The following TRPC4 variants were observed in gnomAD, a reference collection of about 807,000 sequenced individuals.
The protein encoded by TRPC4 is transient receptor potential cation channel subfamily C member 4, also known as short transient receptor potential channel 4.
Under a neutral mutation model 99.4 loss-of-function variants are expected in TRPC4, and 49 were observed. The observed-to-expected ratio is 0.49, with a 90% confidence interval of 0.39 to 0.63. TRPC4 has a LOEUF of 0.63. Ranked by LOEUF, TRPC4 falls within the 20% of genes least tolerant of loss-of-function variation. The pLI is 0.00. For synonymous variants in TRPC4, 454 were observed against 425.9 expected (o/e 1.07, Z -0.81); for missense variants, 898 against 1,152.9 (o/e 0.78, Z 3.20).
intron 2 of TRPC4, among the ~76,000 whole-genome samples, chr13:37,769,153 A>G (rs767261179): frequency 1.9e-4 from 29 of 151,608 alleles, no homozygotes; most frequent in Non-Finnish European, 3.3e-4. Context: ...TAATCCACTG[A>G]AAAGTAAAGA....
chr13:37,683,071 T>A (rs922258190), intron 4 of TRPC4, among the ~76,000 whole-genome samples: 2 of 151,922 alleles, frequency 1.3e-5, no homozygotes, highest in African/African-American at 4.8e-5. Context: ...GCCAGGACAG[T>A]GCAGTTTTTG....
chr13:37,837,001 C>T (rs1958584445), intron 1 of TRPC4, among the ~76,000 whole-genome samples: 1 of 152,164 alleles, frequency 6.6e-6, no homozygotes, highest in Non-Finnish European at 1.5e-5. Context: ...CTGAATGGGG[C>T]CAACATAGAG....
chr13:37,636,916 G>A lies in TRPC4; in HGVS notation c.2921C>T (p.Thr974Ile). 1 of 1,610,582 alleles carries A rather than the reference G, an allele frequency of 6.2e-7. No individual in the cohort carries two copies. The highest frequency in any genetic ancestry group is 8.5e-7 in the Non-Finnish European group (1 of 1,178,018). The change falls in exon 11 of 11, where the codon ACC (threonine) becomes ATC (isoleucine). Residue 974 changes from threonine (T) to isoleucine (I), a missense_variant. Thr to Ile is a moderately conservative substitution (Grantham distance 89). This residue lies in a region of TRPC4 where 346 missense variants were observed against 351.4 expected (regional missense o/e 0.98). Transcript: ENST00000379705. ...PDTVTHEDYV[T>I]TRL ...CTCCTTCAAGTATCACAATCTTGTG[G>A]TCACGTAATCTTCGTGGGTGACTGT...
intron 2 of TRPC4, among the ~76,000 whole-genome samples, chr13:37,748,940 T>C (rs1230624353): frequency 1.3e-5 from 2 of 152,178 alleles, no homozygotes; most frequent in Non-Finnish European, 2.9e-5. Context: ...AGTAATGATA[T>C]GGTTTGGCTT....
rs532016749 is a variant in TRPC4 at position 37,827,627 on chromosome 13, A to G, written c.-28+41968T>C. On this transcript the variant is annotated intron_variant, in intron 1 of 10. Transcript: ENST00000379705. Reference sequence around the variant, plus strand: ...ACCCACTTGAGGAGGCAGTCTGCCCATTCTCAGATCTCCAGCTGCGTACTG... The same window carrying G: ...ACCCACTTGAGGAGGCAGTCTGCCCGTTCTCAGATCTCCAGCTGCGTACTG... Among the ~76,000 whole-genome samples the G allele has an allele frequency of 7.3e-3, 1,105 of 151,230 alleles. 8 individuals are homozygous for G. The highest frequency in any genetic ancestry group is 0.022 in the African/African-American group (898 of 41,192).
chr13:37,788,392 C>G (rs1340989199), intron 1 of TRPC4, among the ~76,000 whole-genome samples: 2 of 152,270 alleles, frequency 1.3e-5, no homozygotes, highest in East Asian at 3.9e-4. Flanking sequence ...TCCATTTACT[C>G]ATTTATTCTC....
At chr13:37,722,405 A>T (rs1315995636) in intron 3 of TRPC4, among the ~76,000 whole-genome samples, 7 of 152,200 alleles carry the variant, frequency 4.6e-5, no homozygotes, top group Admixed American at 4.6e-4. Context: ...GTTAAATTGG[A>T]TGTAATCAGA....
At chr13:37,703,654 A>T (rs930858131) in intron 3 of TRPC4, among the ~76,000 whole-genome samples, 1 of 151,966 alleles carries the variant, frequency 6.6e-6, no homozygotes, top group Admixed American at 6.6e-5. Context: ...TATTAGAATG[A>T]CTAAAATTAA....
intron 4 of TRPC4, among the ~76,000 whole-genome samples, chr13:37,682,399 C>T (rs1455678753): frequency 1.3e-5 from 2 of 152,128 alleles, no homozygotes; most frequent in Non-Finnish European, 2.9e-5. Flanking sequence ...CATCAAAAAT[C>T]TGCTTCTGTT....
chr13:37,663,814 T>A, intron 5 of TRPC4, 85 bp from the exon 6 acceptor site: 1 of 1,236,072 alleles, frequency 8.1e-7, no homozygotes, highest in Non-Finnish European at 1.1e-6. Flanking sequence ...GGAAAACTAT[T>A]AAATTTTGAA....
At chr13:37,653,553 A>G (rs903251317) in intron 7 of TRPC4, among the ~76,000 whole-genome samples, 2 of 152,154 alleles carry the variant, frequency 1.3e-5, no homozygotes, top group Non-Finnish European at 2.9e-5. Context: ...GACTTCATGC[A>G]TGGAGTCCTG....
chr13:37,795,302 A>C (rs2139405474), intron 1 of TRPC4, among the ~76,000 whole-genome samples: 1 of 152,274 alleles, frequency 6.6e-6, no homozygotes, highest in Admixed American at 6.5e-5. Context: ...CCAACAGGTA[A>C]ATTTTGTGTA....
chr13:37,723,516 T>C (rs1718639373), intron 3 of TRPC4, among the ~76,000 whole-genome samples: 1 of 152,166 alleles, frequency 6.6e-6, no homozygotes. Flanking sequence ...AAATTGATAC[T>C]ATTGATACCC....
intron 3 of TRPC4, among the ~76,000 whole-genome samples, chr13:37,721,875 G>A (rs961526053): frequency 6.6e-6 from 1 of 152,006 alleles, no homozygotes; most frequent in Non-Finnish European, 1.5e-5. Flanking sequence ...GGGCTCATGT[G>A]ATCCTCCCAC....
intron 3 of TRPC4, among the ~76,000 whole-genome samples, chr13:37,743,595 C>A (rs1239815341): frequency 6.6e-6 from 1 of 152,104 alleles, no homozygotes; most frequent in Non-Finnish European, 1.5e-5. Flanking sequence ...GAGCAGAGAC[C>A]TGACACCTGG....
chr13:37,697,533 G>C (rs1667834159), intron 3 of TRPC4, among the ~76,000 whole-genome samples: 1 of 152,190 alleles, frequency 6.6e-6, no homozygotes, highest in Admixed American at 6.5e-5. Flanking sequence ...GAAATCTCTT[G>C]TGCTAGAAGG....
At chr13:37,815,837 C>G (rs1281351086) in intron 1 of TRPC4, among the ~76,000 whole-genome samples, 1 of 151,722 alleles carries the variant, frequency 6.6e-6, no homozygotes, top group East Asian at 1.9e-4. Flanking sequence ...GCATGTGATA[C>G]ATACTCTAAA....
Position 37,655,234 on chromosome 13 carries a change from TG to T in TRPC4, c.1737del (p.Asn580IlefsTer4). 1 of 1,606,256 alleles carries T rather than the reference TG, an allele frequency of 6.2e-7. No individual in the cohort carries two copies. Among genetic ancestry groups the T allele is most frequent in the Non-Finnish European group, 8.5e-7 (1 of 1,175,804 alleles). On this transcript the variant is annotated frameshift_variant, in exon 7 of 11. Coordinates refer to ENST00000379705, the MANE Select transcript of TRPC4 (RefSeq NM_016179.4). LOFTEE classifies it high-confidence loss of function. ...QSLFWSIFGLINLYVTNVKAQ... is the reference protein window; with the variant it reads ...QSLFWSIFGLXNLYVTNVKAQ... ...GCTTTGACATTGGTCACATATAAAT[TG>T]ATGAGCCCAAATATTGACCAAAACA...
chr13:37,767,542 T>C (rs1382629155), intron 2 of TRPC4, among the ~76,000 whole-genome samples: 1 of 151,304 alleles, frequency 6.6e-6, no homozygotes, highest in Non-Finnish European at 1.5e-5. Context: ...CCACTTAAAA[T>C]ATTAGGCAGC....
Sources: allele counts gnomAD v4.1 joint callset (sites outside exome capture counted in the v4.1 genomes callset), GRCh38; gene constraint gnomAD v4.1.1; regional missense constraint gnomAD v4.1.1; transcripts MANE v1.5; gene names NCBI Gene and HGNC (gene_info 2026-07-23, HGNC 2026-07-21).